Variants in SLC28A3 observed in about 807,000 individuals in gnomAD.
The protein encoded by SLC28A3 is solute carrier family 28 member 3, also known as concentrative Na(+)-nucleoside cotransporter 3.
SLC28A3 carries 68 observed loss-of-function variants against 84.2 expected under a neutral mutation model. The ratio of observed to expected loss-of-function variants is 0.81; its 90% CI spans 0.66 to 0.99. The LOEUF is 0.99. Among genes scored for constraint, SLC28A3 ranks in the 50% least tolerant of loss-of-function variants. The probability of loss-of-function intolerance (pLI) is 0.00; values close to 1 mark genes in which losing one functional copy is unlikely to be tolerated. For missense variants in SLC28A3, 712 were observed against 841.5 expected (o/e 0.85, Z 1.90); for synonymous variants, 267 against 303.6 (o/e 0.88, Z 1.25).
In SLC28A3 at chr9:84,278,145, TC is replaced by T; in HGVS notation, c.*72del. ...AAGCATCAATCTGTGGACAATAGCT[TC>T]TTTTTTTTTTCTTTCCAAAGCAGAA... On this transcript the variant is annotated 3_prime_UTR_variant, in exon 18 of 18. Coordinates refer to ENST00000376238, the MANE Select transcript of SLC28A3 (RefSeq NM_001199633.2). 18 of 1,519,974 alleles carry T rather than the reference TC, an allele frequency of 1.2e-5. No homozygotes were observed. Among genetic ancestry groups the T allele is most frequent in the Non-Finnish European group, 1.6e-5 (18 of 1,125,224 alleles). The allele number at this position is 1,519,974 out of a possible 1,614,324, so 94.2% of individuals were successfully genotyped here. A position where few individuals can be genotyped will look rare whatever the true frequency, so the allele number is the denominator to read the frequency against.
chr9:84,303,461 C>G (rs924562914), intron 4 of SLC28A3, among the ~76,000 whole-genome samples: 11 of 152,210 alleles, frequency 7.2e-5, no homozygotes, highest in African/African-American at 2.7e-4. Context: ...CCTGGGATTA[C>G]AGGCATGTGC....
At chr9:84,293,082 TG>T (rs1035096572) in intron 9 of SLC28A3, among the ~76,000 whole-genome samples, 11 of 152,212 alleles carry the variant, frequency 7.2e-5, no homozygotes, top group Admixed American at 1.3e-4. Flanking sequence ...GTTAAGCCCT[TG>T]ACAGTCCAGA....
intron 1 of SLC28A3, among the ~76,000 whole-genome samples, chr9:84,335,767 A>C (rs1826953589): frequency 6.6e-6 from 1 of 151,938 alleles, no homozygotes. Flanking sequence ...TTATACATAT[A>C]TAATATTAGC....
chr9:84,337,232 T>C (rs1329599209), intron 1 of SLC28A3, among the ~76,000 whole-genome samples: 3 of 152,200 alleles, frequency 2.0e-5, no homozygotes, highest in African/African-American at 4.8e-5. Context: ...GTCCTTCTCC[T>C]TGAGGGCAAG....
intron 1 of SLC28A3, among the ~76,000 whole-genome samples, chr9:84,318,047 T>C (rs1355842654): frequency 6.6e-6 from 1 of 152,226 alleles, no homozygotes; most frequent in Non-Finnish European, 1.5e-5. Context: ...CTAGGAATGA[T>C]TGCATTTTCA....
chr9:84,310,841 A>G (rs1825965146), intron 2 of SLC28A3, among the ~76,000 whole-genome samples: 2 of 152,212 alleles, frequency 1.3e-5, no homozygotes, highest in Non-Finnish European at 2.9e-5. Flanking sequence ...TTCCCAGCTT[A>G]GCCAATAGTC....
At chr9:84,346,990 C>T in the SLC28A3 span, among the ~76,000 whole-genome samples, 426 of 152,134 alleles carry the variant, frequency 2.8e-3, no homozygotes, top group African/African-American at 9.9e-3. Context: ...GCCTGGCCAA[C>T]ATGGTAAAAT....
rs1347425900 is a variant in SLC28A3, at chr9:84,280,794, C to CACTT, written c.1729+3_1729+6dup. 6.2e-7 allele frequency: 1 copy of CACTT among 1,613,728 alleles called. No individual in the cohort carries two copies. Among genetic ancestry groups the CACTT allele is most frequent in the African/African-American group, 1.3e-5 (1 of 74,886 alleles). On this transcript the variant is annotated splice_region_variant and intron_variant, in intron 15 of 17. Coordinates refer to ENST00000376238, the MANE Select transcript of SLC28A3 (RefSeq NM_001199633.2). ...CTGTGTTGTTGAAGAATGTTCTTTTCACTTACTGAGTCCGCCGATCACGAT... is the reference window on the plus strand; with the variant it reads ...CTGTGTTGTTGAAGAATGTTCTTTTCACTTACTTACTGAGTCCGCCGATCACGAT...
chr9:84,319,041 A>T lies in SLC28A3; in HGVS notation c.61-5587T>A, dbSNP rs535303703. 8.8e-4 allele frequency among the ~76,000 whole-genome samples: 134 copies of T among 152,312 alleles called. 2 individuals are homozygous for T. Among genetic ancestry groups the T allele is most frequent in the African/African-American group, 3.1e-3 (130 of 41,556 alleles). On this transcript the variant is annotated intron_variant, in intron 1 of 17. Transcript: ENST00000376238. ...AGATGATTCCAGGGATTATGATTCT[A>T]GAACAAATTATAAACATTATGTCCT... is the stretch of plus-strand genomic sequence containing the variant.
At chr9:84,357,609 A>G in the SLC28A3 span, among the ~76,000 whole-genome samples, 8 of 152,074 alleles carry the variant, frequency 5.3e-5, no homozygotes, top group African/African-American at 1.9e-4. Context: ...AGTGGAGACT[A>G]TGCTTAGCAC....
chr9:84,342,956 A>G (rs1422657297), upstream of SLC28A3, among the ~76,000 whole-genome samples: 1 of 152,008 alleles, frequency 6.6e-6, no homozygotes, highest in Non-Finnish European at 1.5e-5. Flanking sequence ...GAAGTCAGGA[A>G]TTCGAGACCA....
chr9:84,322,609 C>G (rs1044904554), intron 1 of SLC28A3, among the ~76,000 whole-genome samples: 3 of 152,088 alleles, frequency 2.0e-5, no homozygotes, highest in African/African-American at 4.8e-5. Flanking sequence ...CTTTGGGAGG[C>G]TGAGGTGGGA....
At chr9:84,281,866 C>T (rs144894186) in intron 14 of SLC28A3, among the ~76,000 whole-genome samples, 2 of 152,356 alleles carry the variant, frequency 1.3e-5, no homozygotes, top group African/African-American at 2.4e-5. Flanking sequence ...TGGCTCACGC[C>T]TGTAATCCCA....
chr9:84,289,773 T>A (rs1825139363), intron 11 of SLC28A3, among the ~76,000 whole-genome samples: 1 of 152,244 alleles, frequency 6.6e-6, no homozygotes, highest in Non-Finnish European at 1.5e-5. Flanking sequence ...TTCCAATAAT[T>A]CATTTCCAAA....
intron 1 of SLC28A3, among the ~76,000 whole-genome samples, chr9:84,318,971 A>C (rs919366967): frequency 2.0e-5 from 3 of 152,220 alleles, no homozygotes; most frequent in Non-Finnish European, 4.4e-5. Flanking sequence ...AATTATGAAA[A>C]AAAGAGAGTT....
Position 84,293,634 on chromosome 9 carries a change from T to C in SLC28A3, c.942+561A>G, listed in dbSNP as rs140177170. ...ATCTAACACATGAACATAGGACTCA[T>C]TGAGGCTAGGGCAGCAGGAAGGACA... On this transcript the variant is annotated intron_variant, in intron 9 of 17. Coordinates refer to ENST00000376238, the MANE Select transcript of SLC28A3 (RefSeq NM_001199633.2). Among the ~76,000 whole-genome samples the C allele has an allele frequency of 6.2e-3, 947 of 152,282 alleles. 10 individuals are homozygous for C. The highest frequency in any genetic ancestry group is 0.021 in the African/African-American group (875 of 41,546).
Position 84,285,366 on chromosome 9 carries a change from G to A in SLC28A3, c.1626C>T (p.Asn542=), listed in dbSNP as rs147965649. ...TCACTGATATATATTGCTGCACACC[G>A]TTTACAAATTTGGGTCCACCTTCTT... ...LRKEGGPKFV[N]GVQQYISIRS... Residue 542 remains asparagine, a synonymous_variant, in exon 14 of 18, where the codon AAC becomes AAT. Coordinates refer to ENST00000376238, the MANE Select transcript of SLC28A3 (RefSeq NM_001199633.2). The A allele has an allele frequency of 5.8e-5, 93 of 1,614,070 alleles. No homozygotes were observed. The East Asian group carries it at 5.8e-4, about 10-fold the overall frequency.
chr9:84,353,673 C>A, the SLC28A3 span, among the ~76,000 whole-genome samples: 1 of 152,070 alleles, frequency 6.6e-6, no homozygotes, highest in Non-Finnish European at 1.5e-5. Flanking sequence ...CTGAGCCACT[C>A]TACTCCAGCC....
chr9:84,351,286 A>G, the SLC28A3 span, among the ~76,000 whole-genome samples: 1 of 152,174 alleles, frequency 6.6e-6, no homozygotes, highest in African/African-American at 2.4e-5. Flanking sequence ...TGAGACTACT[A>G]TTGTATATGA....
Sources: gnomAD v4.1 joint callset for allele counts (sites outside exome capture counted in the v4.1 genomes callset) on GRCh38, gnomAD v4.1.1 for gene constraint, MANE v1.5 for transcripts, NCBI Gene and HGNC (gene_info 2026-07-23, HGNC 2026-07-21) for gene names.